PAEP: variants seen among roughly 807,000 people sequenced by gnomAD.
The protein encoded by PAEP is progestagen associated endometrial protein.
In PAEP, 28 loss-of-function variants were observed where a neutral mutation model predicts 23.0. That is an observed-to-expected ratio of 1.22 (90% confidence interval 0.90 to 1.67). The LOEUF (loss-of-function observed/expected upper bound fraction) is 1.67, where lower values mean the gene tolerates loss of function less well. Among genes scored for constraint, PAEP ranks in the 40% most tolerant of loss-of-function variants. The pLI, the probability that PAEP is intolerant of heterozygous loss-of-function variation, is 0.00. For synonymous variants in PAEP, 103 were observed against 92.4 expected, an observed-to-expected ratio of 1.12 and a Z score of -0.66; for missense variants, 209 against 226.4, an observed-to-expected ratio of 0.92 and a Z score of 0.49.
intron 6 of PAEP, chr9:135,566,180 T>C (rs1312364909): frequency 1.4e-5 from 3 of 213,356 alleles, no homozygotes; most frequent in African/African-American, 4.7e-5. Context: ...TTTTTTTTTT[T>C]CTTTTTTTAA....
chr9:135,562,777 T>C (rs1315555337), intron 2 of PAEP, 43 bp from the exon 3 acceptor site: 1 of 1,520,982 alleles, frequency 6.6e-7, no homozygotes, highest in Non-Finnish European at 9.1e-7. Context: ...TGAAGGCAAC[T>C]CCAATTCAAG....
chr9:135,565,623 C>A (rs773135393), intron 5 of PAEP, 109 bp downstream of exon 5: 2 of 1,360,120 alleles, frequency 1.5e-6, no homozygotes, highest in African/African-American at 3.0e-5. Flanking sequence ...CTTTTTGGCC[C>A]CTCCCCTGTT....
rs1048782806 is a variant in PAEP, at chr9:135,563,905, G to A, written c.311-339G>A. 4.0e-5 allele frequency among the ~76,000 whole-genome samples: 6 copies of A among 151,734 alleles called. No homozygotes were observed. In the East Asian group the frequency reaches 5.8e-4, roughly 15 times the overall value. ...AGGTCCATTTCTTCTCCCTCTTCCC[G>A]CCCCTGTGCCCTGTTCCTGTGCCAT... On this transcript the variant is annotated intron_variant, in intron 3 of 6. Coordinates refer to ENST00000479141, the MANE Select transcript of PAEP (RefSeq NM_002571.4).
chr9:135,562,934 A>G, intron 3 of PAEP, 41 bp downstream of exon 3: 2 of 1,503,338 alleles, frequency 1.3e-6, no homozygotes, highest in Non-Finnish European at 1.9e-6. Flanking sequence ...CAGTGCTGGC[A>G]TGCTAGCCAC....
chr9:135,566,168 CT>C (rs536992067), intron 6 of PAEP: 4,210 of 192,270 alleles, frequency 0.022, no homozygotes, highest in South Asian at 0.049. Flanking sequence ...GTCCCACGTT[CT>C]TTTTTTTTTT....
rs7848434 is a variant in PAEP, at chr9:135,564,942, C to T, written c.422-468C>T. 6,571 of 911,996 alleles carry T rather than the reference C, an allele frequency of 7.2e-3. 349 individuals carry two copies. The African/African-American group carries it at 0.11, about 15-fold the overall frequency. The allele number at this position is 911,996 out of a possible 1,614,324, so 56.5% of individuals were successfully genotyped here. A position where few individuals can be genotyped will look rare whatever the true frequency, so the allele number is the denominator to read the frequency against. ...CTCACTGGGCGTCCAGTCAAAACGC[C>T]CTGAAACCTATGATGCTGTCAACCA... On this transcript the variant is annotated intron_variant, in intron 4 of 6. Transcript: ENST00000479141.
At chr9:135,564,495 T>A (rs1454956068) in intron 4 of PAEP, 141 bp downstream of exon 4, 1 of 1,460,940 alleles carries the variant, frequency 6.8e-7, no homozygotes, top group Non-Finnish European at 9.0e-7. Context: ...GTTTTTTTTA[T>A]TTGTTTGTTG....
chr9:135,561,763 C>T lies in PAEP; in HGVS notation c.-39C>T. On this transcript the variant is annotated 5_prime_UTR_variant, in exon 1 of 7. Coordinates refer to ENST00000479141, the MANE Select transcript of PAEP (RefSeq NM_002571.4). ...CTGAGCCCACACTGCCTCAGCATCC[C>T]TCTGGCTCCAGAGCTCAGAGCCACC... 2 of 1,482,640 alleles carry T rather than the reference C, an allele frequency of 1.3e-6. No homozygotes were observed. Among genetic ancestry groups the T allele is most frequent in the Non-Finnish European group, 1.8e-6 (2 of 1,088,934 alleles). The allele number at this position is 1,482,640 out of a possible 1,614,324, so 91.8% of individuals were successfully genotyped here.
intron 4 of PAEP, chr9:135,564,873 G>T: frequency 1.0e-6 from 1 of 985,458 alleles, no homozygotes. Context: ...GGGCCAGTGG[G>T]ACGGTCGCCA....
Position 135,561,852 on chromosome 9 carries a change from G to C in PAEP, c.51G>C (p.Pro17=). The C allele has an allele frequency of 6.4e-7, 1 of 1,567,366 alleles. No individual in the cohort carries two copies. Among genetic ancestry groups the C allele is most frequent in the Non-Finnish European group, 8.7e-7 (1 of 1,155,342 alleles). Reference sequence around the variant, plus strand: ...GCGTGGCCCTGGTCTGTGGTGTCCCGGCCATGGACATCCCCCAGACCAAGC... The same window carrying C: ...GCGTGGCCCTGGTCTGTGGTGTCCCCGCCATGGACATCCCCCAGACCAAGC... ...TLGVALVCGV[P]AMDIPQTKQD... The change falls in exon 1 of 7, where the codon CCG becomes CCC. Residue 17 remains proline, a synonymous_variant. Coordinates refer to ENST00000479141, the MANE Select transcript of PAEP (RefSeq NM_002571.4).
intron 4 of PAEP, chr9:135,564,573 G>A (rs764565256): frequency 7.7e-5 from 62 of 803,330 alleles, no homozygotes; most frequent in Non-Finnish European, 7.5e-5. Flanking sequence ...ACGTGATCTC[G>A]GCTCACTGCA....
At position 135,564,962 on chromosome 9, in the gene PAEP, C is replaced by A. The variant is rs1036457961; in HGVS notation, c.422-448C>A. The A allele has an allele frequency of 5.0e-6, 4 of 807,772 alleles. No homozygotes were observed. In the Admixed American group the frequency reaches 1.9e-4, roughly 38 times the overall value. 50.0% of individuals were successfully genotyped at this position (807,772 alleles called of 1,614,324 possible). On this transcript the variant is annotated intron_variant, in intron 4 of 6. Transcript: ENST00000479141. The stretch of plus-strand genomic sequence containing the variant: ...AACGCCCTGAAACCTATGATGCTGT[C>A]AACCAAACGAAGGCCAGGAATACCA...
At chr9:135,565,299 C>A in intron 4 of PAEP, 111 bp from the exon 5 acceptor site, 2 of 895,214 alleles carry the variant, frequency 2.2e-6, no homozygotes, top group Non-Finnish European at 1.8e-6. Flanking sequence ...TGCCAGACCT[C>A]GGAGCACTGG....
At chr9:135,565,889 C>A in intron 6 of PAEP, 88 bp downstream of exon 6, 2 of 1,385,756 alleles carry the variant, frequency 1.4e-6, no homozygotes, top group Non-Finnish European at 2.1e-6. Context: ...TGGGACAGAC[C>A]CTACTGTGTC....
At chr9:135,565,136 G>A (rs1026379086) in intron 4 of PAEP, among the ~76,000 whole-genome samples, 1 of 152,220 alleles carries the variant, frequency 6.6e-6, no homozygotes. Flanking sequence ...CTGTGACGCT[G>A]TAGACACCAT....
At position 135,561,838 on chromosome 9, in the gene PAEP, G is replaced by A. The variant is rs758959776; in HGVS notation, c.37G>A (p.Val13Ile). 3 of 1,563,126 alleles carry A rather than the reference G, an allele frequency of 1.9e-6. No individual in the cohort carries two copies. Among genetic ancestry groups the A allele is most frequent in the Admixed American group, 3.8e-5 (2 of 52,978 alleles). ...CLLLTLGVALVCGVPAMDIPQ... is the reference protein window; with the variant it reads ...CLLLTLGVALICGVPAMDIPQ... ...CCTGCTCACCCTGGGCGTGGCCCTG[G>A]TCTGTGGTGTCCCGGCCATGGACAT... The change falls in exon 1 of 7, where the codon GTC becomes ATC. Residue 13 changes from valine (V) to isoleucine (I), a missense_variant. Physicochemically the swap from Val to Ile is conservative, Grantham distance 29. Coordinates refer to ENST00000479141, the MANE Select transcript of PAEP (RefSeq NM_002571.4).
In PAEP at chr9:135,564,330, C is replaced by T; in HGVS notation, c.397C>T (p.Gln133Ter). The change falls in exon 4 of 7, where the codon CAG becomes TAG. Residue 133 changes from glutamine to a stop codon, truncating the protein, a stop_gained. Coordinates refer to ENST00000479141, the MANE Select transcript of PAEP (RefSeq NM_002571.4). LOFTEE classifies it high-confidence loss of function. Reference protein sequence around the residue: ...LCLQDTTTPIQSMMCQYLARV... With the variant: ...LCLQDTTTPI Reference sequence around the variant, plus strand: ...CCTACAGGACACCACCACCCCCATCCAGAGCATGATGTGCCAGTACCTGGG... The same window carrying T: ...CCTACAGGACACCACCACCCCCATCTAGAGCATGATGTGCCAGTACCTGGG... The T allele has an allele frequency of 6.4e-7, 1 of 1,551,056 alleles. No homozygotes were observed.
chr9:135,564,017 G>C (rs577929428), intron 3 of PAEP, among the ~76,000 whole-genome samples: 4 of 152,170 alleles, frequency 2.6e-5, no homozygotes, highest in South Asian at 2.1e-4. Context: ...GCCTCTCCAC[G>C]GCACACCTGG....
intron 6 of PAEP, 135 bp downstream of exon 6, chr9:135,565,936 C>A: frequency 1.0e-6 from 1 of 981,194 alleles, no homozygotes; most frequent in Non-Finnish European, 1.6e-6. Flanking sequence ...GAACTGGGGT[C>A]TGGTCTTGTG....
Sources: gnomAD v4.1 joint callset for allele counts (sites outside exome capture counted in the v4.1 genomes callset) on GRCh38, gnomAD v4.1.1 for gene constraint, MANE v1.5 for transcripts, NCBI Gene and HGNC (gene_info 2026-07-23, HGNC 2026-07-21) for gene names.